Variants in VPS13B observed in about 807,000 individuals in gnomAD.
VPS13B encodes the protein intermembrane lipid transfer protein VPS13B.
VPS13B carries 285 observed loss-of-function variants against 426.4 expected under a neutral mutation model. That is an observed-to-expected ratio of 0.67 (90% CI 0.61 to 0.74). VPS13B has a LOEUF of 0.74. VPS13B is among the 30% of genes least tolerant of loss of function. The probability of loss-of-function intolerance (pLI) is 0.00; values close to 1 mark genes in which losing one functional copy is unlikely to be tolerated. For synonymous variants in VPS13B, 1,676 were observed against 1,676.4 expected (o/e 1.00, Z 0.01); for missense variants, 4,537 against 4,782.6 (o/e 0.95, Z 1.51).
intron 33 of VPS13B, among the ~76,000 whole-genome samples, chr8:99,594,110 C>T (rs1378469989): frequency 1.3e-5 from 2 of 151,338 alleles, no homozygotes; most frequent in African/African-American, 4.9e-5. Context: ...TCTTTTGCAT[C>T]AGGGGAGTTA....
intron 3 of VPS13B, among the ~76,000 whole-genome samples, chr8:99,047,020 A>G (rs1843275146): frequency 6.6e-6 from 1 of 152,026 alleles, no homozygotes; most frequent in African/African-American, 2.4e-5. Flanking sequence ...TGGTTTTGGT[A>G]TTAGGGTGAT....
chr8:99,198,362 A>G (rs1435406408), intron 17 of VPS13B, among the ~76,000 whole-genome samples: 2 of 151,922 alleles, frequency 1.3e-5, no homozygotes, highest in East Asian at 3.9e-4. Flanking sequence ...TAAATTTTAA[A>G]CTTTTATTTT....
At chr8:99,308,657 T>C (rs1473320155) in intron 19 of VPS13B, among the ~76,000 whole-genome samples, 1 of 152,190 alleles carries the variant, frequency 6.6e-6, no homozygotes, top group Non-Finnish European at 1.5e-5. Context: ...CATGTGTCTT[T>C]ATAGCAGCAT....
At chr8:99,205,287 A>C (rs71516828) in intron 17 of VPS13B, among the ~76,000 whole-genome samples, 1,854 of 152,274 alleles carry the variant, frequency 0.012, 13 homozygotes, top group Middle Eastern at 0.034. Context: ...TCTCACTCAT[A>C]AGTTGGAGCT....
At chr8:99,339,083 A>G (rs978141901) in intron 19 of VPS13B, among the ~76,000 whole-genome samples, 8 of 152,340 alleles carry the variant, frequency 5.3e-5, no homozygotes, top group Admixed American at 4.6e-4. Context: ...TTTAGTATAC[A>G]TATGTATGCA....
chr8:99,667,939 T>C (rs966733080), intron 35 of VPS13B, among the ~76,000 whole-genome samples: 1 of 152,166 alleles, frequency 6.6e-6, no homozygotes, highest in African/African-American at 2.4e-5. Context: ...AATTTCAGCT[T>C]TATAATGTTC....
intron 33 of VPS13B, among the ~76,000 whole-genome samples, chr8:99,579,728 C>T (rs996939718): frequency 3.4e-5 from 5 of 148,026 alleles, no homozygotes; most frequent in South Asian, 2.1e-4. Context: ...TTTTTTAACA[C>T]GGAGTCTCAC....
At chr8:99,566,019 G>T (rs889750355) in intron 31 of VPS13B, among the ~76,000 whole-genome samples, 1 of 152,160 alleles carries the variant, frequency 6.6e-6, no homozygotes, top group Non-Finnish European at 1.5e-5. Context: ...TGCCTAAAAA[G>T]TTCCTGGAAA....
chr8:99,358,070 C>T (rs1812286816), intron 19 of VPS13B, among the ~76,000 whole-genome samples: 1 of 151,808 alleles, frequency 6.6e-6, no homozygotes, highest in Admixed American at 6.6e-5. Context: ...AGTGACAATT[C>T]TCTTTTTGCA....
At chr8:99,310,424 T>A (rs1820891422) in intron 19 of VPS13B, among the ~76,000 whole-genome samples, 1 of 152,232 alleles carries the variant, frequency 6.6e-6, no homozygotes, top group African/African-American at 2.4e-5. Flanking sequence ...TAAAGGCCTT[T>A]TCTGCATCTA....
intron 5 of VPS13B, among the ~76,000 whole-genome samples, chr8:99,108,282 A>G (rs1245012261): frequency 3.3e-5 from 5 of 152,090 alleles, no homozygotes; most frequent in Admixed American, 6.6e-5. Context: ...TGTCTTTGCT[A>G]TTGTGTATAG....
chr8:99,440,635 A>T (rs1817636194), intron 22 of VPS13B, among the ~76,000 whole-genome samples: 1 of 152,100 alleles, frequency 6.6e-6, no homozygotes, highest in Non-Finnish European at 1.5e-5. Context: ...TAGAGTTGTT[A>T]TGTATCTGAT....
At chr8:99,860,598 G>C (rs1191973165) in intron 57 of VPS13B, among the ~76,000 whole-genome samples, 1 of 152,154 alleles carries the variant, frequency 6.6e-6, no homozygotes, top group African/African-American at 2.4e-5. Flanking sequence ...GCATCCCTAT[G>C]TGTGTGCGCA....
chr8:99,121,131 T>C, intron 7 of VPS13B, 46 bp from the exon 8 acceptor site: 1 of 1,566,746 alleles, frequency 6.4e-7, no homozygotes, highest in Non-Finnish European at 8.7e-7. Context: ...ATTCTCTTAG[T>C]TAAATCCTTT....
At chr8:99,640,043 GAAGAAGAGAAA>G (rs1460922447) in intron 33 of VPS13B, among the ~76,000 whole-genome samples, 32 of 82,170 alleles carry the variant, frequency 3.9e-4, no homozygotes, top group South Asian at 1.7e-3. Context: ...AGAAGAAGAA[GAAGAAGAGAAA>G]AGAAAAGAAA....
chr8:99,570,072 A>G (rs1825397561), intron 31 of VPS13B, among the ~76,000 whole-genome samples: 1 of 152,160 alleles, frequency 6.6e-6, no homozygotes, highest in Non-Finnish European at 1.5e-5. Context: ...CTATAACCCT[A>G]TGTGCCTTGG....
intron 17 of VPS13B, among the ~76,000 whole-genome samples, chr8:99,211,836 G>A (rs536802922): frequency 2.0e-5 from 3 of 152,230 alleles, no homozygotes; most frequent in Admixed American, 1.3e-4. Context: ...GTAGTACCAC[G>A]AGTTTCTTTT....
Position 99,861,840 on chromosome 8 carries a change from G to A in VPS13B, c.11109G>A (p.Leu3703=), listed in dbSNP as rs758810261. The A allele has an allele frequency of 6.2e-7, 1 of 1,600,552 alleles. No individual in the cohort carries two copies. The highest frequency in any genetic ancestry group is 8.5e-7 in the Non-Finnish European group (1 of 1,174,048). The stretch of plus-strand genomic sequence containing the variant: ...CCCGGAACATGGACCGGCTCTCACT[G>A]GATGAGGAGCACTACAACCGGCAGG... ...SLARNMDRLS[L]DEEHYNRQEE... is the part of the protein sequence containing the mutation. Residue 3703 remains leucine (L), a synonymous_variant, in exon 58 of 62, where the codon CTG becomes CTA. Coordinates refer to ENST00000357162, the MANE Select transcript of VPS13B (RefSeq NM_152564.5).
chr8:99,317,558 T>G (rs936303504), intron 19 of VPS13B, among the ~76,000 whole-genome samples: 1 of 152,188 alleles, frequency 6.6e-6, no homozygotes, highest in Non-Finnish European at 1.5e-5. Context: ...CATTTTATTT[T>G]TTAATAAATT....
Sources: gnomAD v4.1 joint callset for allele counts (sites outside exome capture counted in the v4.1 genomes callset) on GRCh38, gnomAD v4.1.1 for gene constraint, MANE v1.5 for transcripts, NCBI Gene and HGNC (gene_info 2026-07-23, HGNC 2026-07-21) for gene names.